LOC128462377: variants seen among roughly 807,000 people sequenced by gnomAD.
chr16:89,391,123 G>A, the LOC128462377 span, among the ~76,000 whole-genome samples: 2 of 151,910 alleles, frequency 1.3e-5, no homozygotes, highest in Admixed American at 6.6e-5. Flanking sequence ...AGCTACTCGG[G>A]AGGCTGAAGC....
the LOC128462377 span, among the ~76,000 whole-genome samples, chr16:89,359,485 G>A: frequency 2.0e-5 from 3 of 152,220 alleles, no homozygotes; most frequent in African/African-American, 7.2e-5. Context: ...CCACTGCTTC[G>A]GGATGCAGAT....
At chr16:89,372,364 G>T in the LOC128462377 span, among the ~76,000 whole-genome samples, 3 of 152,180 alleles carry the variant, frequency 2.0e-5, no homozygotes, top group Admixed American at 6.5e-5. Context: ...GGTGTGGAGA[G>T]CCCGAGTCAC....
chr16:89,393,323 T>A, the LOC128462377 span, among the ~76,000 whole-genome samples: 1 of 150,940 alleles, frequency 6.6e-6, no homozygotes, highest in Non-Finnish European at 1.5e-5. Flanking sequence ...TATTTTTTTT[T>A]TTTTTGAGAC....
At chr16:89,354,325 C>G in the LOC128462377 span, among the ~76,000 whole-genome samples, 2 of 151,564 alleles carry the variant, frequency 1.3e-5, no homozygotes, top group Non-Finnish European at 2.9e-5. Flanking sequence ...TTCCTTCTCA[C>G]TGTCAATCTT....
the LOC128462377 span, among the ~76,000 whole-genome samples, chr16:89,394,211 C>G: frequency 6.6e-6 from 1 of 152,154 alleles, no homozygotes; most frequent in African/African-American, 2.4e-5. Context: ...CTTCCCTCCA[C>G]GACATGGGCA....
the LOC128462377 span, among the ~76,000 whole-genome samples, chr16:89,331,165 G>T: frequency 6.6e-6 from 1 of 152,174 alleles, no homozygotes; most frequent in Non-Finnish European, 1.5e-5. Flanking sequence ...TGTTGGCCAG[G>T]CTGGTCTCGA....
the LOC128462377 span, among the ~76,000 whole-genome samples, chr16:89,397,575 A>G: frequency 5.9e-5 from 9 of 152,236 alleles, no homozygotes; most frequent in African/African-American, 1.9e-4. Context: ...CCCTGGCTGC[A>G]GGACAAAGGT....
chr16:89,417,836 C>T, the LOC128462377 span, among the ~76,000 whole-genome samples: 1 of 151,622 alleles, frequency 6.6e-6, no homozygotes, highest in South Asian at 2.1e-4. Flanking sequence ...CAAGGACAAC[C>T]AGGCAAGACC....
the LOC128462377 span, among the ~76,000 whole-genome samples, chr16:89,387,302 T>G: frequency 6.6e-6 from 1 of 151,524 alleles, no homozygotes; most frequent in Non-Finnish European, 1.5e-5. Flanking sequence ...AGGAAGGGGC[T>G]GCGTCTGTGG....
chr16:89,384,513 C>T, the LOC128462377 span, among the ~76,000 whole-genome samples: 25 of 146,680 alleles, frequency 1.7e-4, no homozygotes, highest in African/African-American at 6.3e-4. Context: ...CAGGATGGGA[C>T]GACATGGAAC....
At chr16:89,387,725 G>A in the LOC128462377 span, among the ~76,000 whole-genome samples, 10 of 148,654 alleles carry the variant, frequency 6.7e-5, no homozygotes, top group East Asian at 6.0e-4. Context: ...GTGCTTGGCC[G>A]GGCACGGTAG....
At chr16:89,388,433 A>G in the LOC128462377 span, among the ~76,000 whole-genome samples, 7 of 151,000 alleles carry the variant, frequency 4.6e-5, no homozygotes, top group Non-Finnish European at 1.0e-4. Context: ...CCCAGCCTCC[A>G]TGAGGTTGAT....
At chr16:89,334,716 A>T in the LOC128462377 span, among the ~76,000 whole-genome samples, 1 of 152,110 alleles carries the variant, frequency 6.6e-6, no homozygotes, top group African/African-American at 2.4e-5. Context: ...TGAGCAGCAC[A>T]GGCCGCCAAC....
chr16:89,405,967 G>A, the LOC128462377 span, among the ~76,000 whole-genome samples: 25 of 152,110 alleles, frequency 1.6e-4, no homozygotes, highest in African/African-American at 4.3e-4. Flanking sequence ...AAAACTTACC[G>A]GGCGTGGTGG....
At chr16:89,345,450 C>T in the LOC128462377 span, among the ~76,000 whole-genome samples, 1 of 152,212 alleles carries the variant, frequency 6.6e-6, no homozygotes, top group Non-Finnish European at 1.5e-5. Flanking sequence ...ATTCCTCTGT[C>T]CCTGCAGCCA....
At chr16:89,325,469 T>TCTCTCTCA in the LOC128462377 span, among the ~76,000 whole-genome samples, 6 of 147,640 alleles carry the variant, frequency 4.1e-5, no homozygotes, top group African/African-American at 1.0e-4. Flanking sequence ...TCTCTCTCTC[T>TCTCTCTCA]CACACACACA....
the LOC128462377 span, among the ~76,000 whole-genome samples, chr16:89,374,219 C>T: frequency 6.6e-6 from 1 of 152,212 alleles, no homozygotes; most frequent in South Asian, 2.1e-4. Flanking sequence ...CAAAGATTTA[C>T]AGTATTTTCA....
chr16:89,406,483 GTGACAAGA>G, the LOC128462377 span, among the ~76,000 whole-genome samples: 2 of 152,216 alleles, frequency 1.3e-5, no homozygotes, highest in Admixed American at 1.3e-4. Context: ...ACCGTGCACC[GTGACAAGA>G]CAACATGTTC....
chr16:89,324,445 G>C, the LOC128462377 span: 3 of 461,866 alleles, frequency 6.5e-6, no homozygotes, highest in African/African-American at 4.0e-5. Context: ...AAGTGTGAGG[G>C]TTACTACTGA....
Sources: allele counts gnomAD v4.1 joint callset (sites outside exome capture counted in the v4.1 genomes callset), GRCh38; gene constraint gnomAD v4.1.1; transcripts MANE v1.5.